Variants in CTIF observed in about 807,000 individuals in gnomAD.
CTIF encodes the protein cap binding complex dependent translation initiation factor.
In CTIF, 21 loss-of-function variants were observed where a neutral mutation model predicts 66.0. The ratio of observed to expected loss-of-function variants is 0.32; its 90% CI spans 0.23 to 0.46. CTIF has a LOEUF of 0.46. Ranked by LOEUF, CTIF falls within the 20% of genes least tolerant of loss-of-function variation. CTIF has a pLI of 1.00. For missense variants in CTIF, 739 were observed against 812.7 expected (o/e 0.91, Z 1.10); for synonymous variants, 345 against 326.4 (o/e 1.06, Z -0.62).
intron 7 of CTIF, chr18:48,755,932 G>A (rs1908316345): frequency 6.6e-6 from 1 of 152,212 alleles, no homozygotes; most frequent in Admixed American, 6.5e-5. Flanking sequence ...AGGGACCTTG[G>A]GAACTGAAGA....
chr18:48,656,781 A>G (rs1003696212), intron 3 of CTIF, among the ~76,000 whole-genome samples: 2 of 152,204 alleles, frequency 1.3e-5, no homozygotes, highest in African/African-American at 4.8e-5. Context: ...AAGGCTTCTC[A>G]GAACCTTGGC....
chr18:48,813,431 A>G (rs1288599348), intron 9 of CTIF, among the ~76,000 whole-genome samples: 1 of 152,250 alleles, frequency 6.6e-6, no homozygotes. Context: ...TCTGCCAGGC[A>G]GGATTTTTGT....
At chr18:48,743,865 A>G (rs766865127) in intron 7 of CTIF, among the ~76,000 whole-genome samples, 2 of 152,230 alleles carry the variant, frequency 1.3e-5, no homozygotes, top group Non-Finnish European at 2.9e-5. Context: ...GTCAAGCAAG[A>G]TTCAGCTGTG....
Position 48,696,621 on chromosome 18 carries a change from A to G in CTIF, c.508-14998A>G, listed in dbSNP as rs566182892. ...CATTTCCCATTTGGGTTCAGCAAACATGTAATCCAGAACTGGCCAGGTGTG... is the reference window on the plus strand; with the variant it reads ...CATTTCCCATTTGGGTTCAGCAAACGTGTAATCCAGAACTGGCCAGGTGTG... On this transcript the variant is annotated intron_variant, in intron 6 of 11. Coordinates refer to ENST00000256413, the MANE Select transcript of CTIF (RefSeq NM_014772.3). Among the ~76,000 whole-genome samples, 6 of 152,322 alleles carry G rather than the reference A, an allele frequency of 3.9e-5. No individual in the cohort carries two copies. The East Asian group carries it at 1.2e-3, about 29-fold the overall frequency.
At chr18:48,577,212 C>T (rs559820635) in intron 1 of CTIF, among the ~76,000 whole-genome samples, 1 of 152,314 alleles carries the variant, frequency 6.6e-6, no homozygotes, top group Admixed American at 6.5e-5. Context: ...CGCCCCAGGA[C>T]CAGGTGGTAG....
At chr18:48,707,567 CCT>C (rs1410651149) in intron 6 of CTIF, among the ~76,000 whole-genome samples, 1 of 151,744 alleles carries the variant, frequency 6.6e-6, no homozygotes, top group Non-Finnish European at 1.5e-5. Context: ...TCTTCTTCTT[CCT>C]CTTTCCCTTC....
At chr18:48,846,236 A>C (rs1189795902) in intron 10 of CTIF, among the ~76,000 whole-genome samples, 1 of 152,152 alleles carries the variant, frequency 6.6e-6, no homozygotes, top group East Asian at 1.9e-4. Flanking sequence ...GCTAGTGCAC[A>C]TTTTTTGCTT....
chr18:48,680,270 T>C (rs2091717935), intron 6 of CTIF, among the ~76,000 whole-genome samples: 1 of 152,240 alleles, frequency 6.6e-6, no homozygotes, highest in Non-Finnish European at 1.5e-5. Context: ...GGCCAGACCA[T>C]ATCCAGAATC....
rs754755626 is a variant in CTIF, at chr18:48,636,657, T to G, written c.224T>G (p.Phe75Cys). The G allele has an allele frequency of 1.4e-5, 23 of 1,601,376 alleles. No homozygotes were observed. Among genetic ancestry groups the G allele is most frequent in the Non-Finnish European group, 1.9e-5 (22 of 1,174,986 alleles). The stretch of plus-strand genomic sequence containing the variant: ...GAACCGCTGGACAGCAGCTGTTCCT[T>G]CTCCCGAGGGCGAGCCCCCCCACAG... Reference protein sequence around the residue: ...CSEPLDSSCSFSRGRAPPQQN... With the variant: ...CSEPLDSSCSCSRGRAPPQQN... The change falls in exon 3 of 12, where the codon TTC (phenylalanine) becomes TGC (cysteine). Residue 75 changes from phenylalanine to cysteine, a missense_variant. Around this residue, in one of 2 missense-constraint regions of CTIF, gnomAD observed 529 missense variants for 520.3 expected, o/e 1.02. Coordinates refer to ENST00000256413, the MANE Select transcript of CTIF (RefSeq NM_014772.3).
chr18:48,652,597 C>A lies in CTIF; in HGVS notation c.253-11155C>A, dbSNP rs144521366. On this transcript the variant is annotated intron_variant, in intron 3 of 11. Coordinates refer to ENST00000256413, the MANE Select transcript of CTIF (RefSeq NM_014772.3). Reference sequence around the variant, plus strand: ...CCATTCCTTCTGAAACTATTCCAATCGAAAAACAGGGAATCCTCTCTAACT... The same window carrying A: ...CCATTCCTTCTGAAACTATTCCAATAGAAAAACAGGGAATCCTCTCTAACT... Among the ~76,000 whole-genome samples, 410 of 151,780 alleles carry A rather than the reference C, an allele frequency of 2.7e-3. 4 individuals are homozygous for A. Among genetic ancestry groups the A allele is most frequent in the African/African-American group, 8.8e-3 (366 of 41,486 alleles).
rs146792603 is a variant in CTIF, at chr18:48,758,198, C to T, written c.864C>T (p.Asp288=). The part of the protein sequence containing the change: ...ENPKLEDTAG[D]TGHSSLEAPR... The stretch of plus-strand genomic sequence containing the variant: ...CAAAACTGGAGGACACTGCAGGGGA[C>T]ACCGGGCACAGCAGCCTTGAGGCCC... Residue 288 remains aspartate, a synonymous_variant, in exon 8 of 12, where the codon GAC becomes GAT. Coordinates refer to ENST00000256413, the MANE Select transcript of CTIF (RefSeq NM_014772.3). 8.1e-6 allele frequency: 13 copies of T among 1,613,732 alleles called. No homozygotes were observed. Among genetic ancestry groups the T allele is most frequent in the African/African-American group, 6.7e-5 (5 of 74,896 alleles).
At chr18:48,568,652 A>G (rs959973193) in intron 1 of CTIF, among the ~76,000 whole-genome samples, 1 of 145,312 alleles carries the variant, frequency 6.9e-6, no homozygotes, top group Non-Finnish European at 1.5e-5. Flanking sequence ...AAAAAAAAAA[A>G]AAAAAAAAAA....
chr18:48,665,788 T>C (rs1266636462), intron 5 of CTIF, among the ~76,000 whole-genome samples: 1 of 152,276 alleles, frequency 6.6e-6, no homozygotes, highest in Non-Finnish European at 1.5e-5. Context: ...TCATTCATTA[T>C]AGCATGTAGC....
At chr18:48,555,951 T>C (rs2089009569) in intron 1 of CTIF, among the ~76,000 whole-genome samples, 1 of 152,184 alleles carries the variant, frequency 6.6e-6, no homozygotes, top group Non-Finnish European at 1.5e-5. Flanking sequence ...TGCTGGCTGA[T>C]GGGAAATGTG....
intron 10 of CTIF, among the ~76,000 whole-genome samples, chr18:48,837,910 C>T (rs1454476107): frequency 6.6e-6 from 1 of 152,206 alleles, no homozygotes; most frequent in African/African-American, 2.4e-5. Flanking sequence ...CCCACACCCA[C>T]ACCCTCCCTG....
chr18:48,722,648 G>A (rs1479792750), intron 7 of CTIF, among the ~76,000 whole-genome samples: 2 of 151,824 alleles, frequency 1.3e-5, no homozygotes, highest in Non-Finnish European at 2.9e-5. Flanking sequence ...ACAGGTGTAA[G>A]CACCCGGCCG....
chr18:48,758,388 C>A lies in CTIF; in HGVS notation c.1054C>A (p.Arg352=). Residue 352 remains arginine, a synonymous_variant, in exon 8 of 12, where the codon CGA becomes AGA. Coordinates refer to ENST00000256413, the MANE Select transcript of CTIF (RefSeq NM_014772.3). ...LLQSSKDRLR[R]RLKEKDEVAV... is the part of the protein sequence containing the mutation. Reference sequence around the variant, plus strand: ...CCAGTCTTCCAAAGACAGACTGCGGCGAAGGCTAAAGGAAAAGGTACCGGT... The same window carrying A: ...CCAGTCTTCCAAAGACAGACTGCGGAGAAGGCTAAAGGAAAAGGTACCGGT... 2 of 1,590,040 alleles carry A rather than the reference C, an allele frequency of 1.3e-6. No individual in the cohort carries two copies. Among genetic ancestry groups the A allele is most frequent in the Admixed American group, 1.8e-5 (1 of 56,046 alleles).
intron 1 of CTIF, among the ~76,000 whole-genome samples, chr18:48,610,537 G>A (rs886757494): frequency 1.2e-4 from 19 of 152,180 alleles, no homozygotes; most frequent in African/African-American, 4.3e-4. Flanking sequence ...AATCTAATGA[G>A]GCACCCCCCG....
At position 48,761,799 on chromosome 18, in the gene CTIF, G is replaced by A; in HGVS notation, c.1371+110G>A. 1 of 1,091,618 alleles carries A rather than the reference G, an allele frequency of 9.2e-7. No homozygotes were observed. Among genetic ancestry groups the A allele is most frequent in the Non-Finnish European group, 1.3e-6 (1 of 768,008 alleles). The allele number at this position is 1,091,618 out of a possible 1,614,324, so 67.6% of individuals were successfully genotyped here. On this transcript the variant is annotated intron_variant, in intron 9 of 11. Transcript: ENST00000256413. This position sits in a 1 kb window ranked among gnomAD's most constrained non-coding sequence, Gnocchi z 4.2. ...CTGGCCACAGTTGGACTTTTCCCAA[G>A]TTCCGCCCTTGCCCGATTAATTATA... is the stretch of plus-strand genomic sequence containing the variant.
Sources: allele counts gnomAD v4.1 joint callset (sites outside exome capture counted in the v4.1 genomes callset), GRCh38; gene constraint gnomAD v4.1.1; regional missense constraint gnomAD v4.1.1; non-coding constraint Gnocchi (gnomAD v3.1); transcripts MANE v1.5; gene names NCBI Gene and HGNC (gene_info 2026-07-23, HGNC 2026-07-21).